The following CRYBG3 variants were observed in gnomAD, a reference collection of about 807,000 sequenced individuals.
CRYBG3 encodes the protein crystallin beta-gamma domain containing 3, also known as very large A-kinase anchor protein.
CRYBG3 carries 127 observed loss-of-function variants against 244.2 expected under a neutral mutation model. That is an observed-to-expected ratio of 0.52 (90% CI 0.45 to 0.60). The LOEUF (loss-of-function observed/expected upper bound fraction) is 0.60. CRYBG3 is among the 20% of genes least tolerant of loss of function. CRYBG3 has a pLI of 0.00. For missense variants in CRYBG3, 3,325 were observed against 3,442.5 expected (o/e 0.97, Z 0.85); for synonymous variants, 1,132 against 1,195.8 (o/e 0.95, Z 1.10).
intron 1 of CRYBG3, among the ~76,000 whole-genome samples, chr3:97,838,173 T>C (rs1272779372): frequency 2.6e-5 from 4 of 152,170 alleles, no homozygotes; most frequent in Admixed American, 6.5e-5. Context: ...CTTTCAGTGC[T>C]GTATGTGCTC....
rs369810160 is a variant in CRYBG3 at position 97,822,254 on chromosome 3, C to T, written c.48C>T (p.Ser16=). The change falls in exon 1 of 22, where the codon TCC becomes TCT. Residue 16 remains serine, a synonymous_variant. Coordinates refer to ENST00000389622, the MANE Select transcript of CRYBG3 (RefSeq NM_153605.4). ...GCAGCGCCCCCTGGCACAGCTTCTC[C>T]CGGTTCTTCGCTCCCCGAAGTCCTT... ...RRGSAPWHSF[S]RFFAPRSPSR... The T allele has an allele frequency of 9.8e-5, 150 of 1,531,102 alleles. No individual in the cohort carries two copies. The African/African-American group carries it at 1.6e-3, about 17-fold the overall frequency. 94.8% of individuals were successfully genotyped at this position (1,531,102 alleles called of 1,614,324 possible).
chr3:97,888,339 A>T lies in CRYBG3; in HGVS notation c.7290-2A>T. ...TTTAACTAACTATCTATTTTTATATAGTTGGCTTGCCTACCCAGATATTAA... is the reference window on the plus strand; with the variant it reads ...TTTAACTAACTATCTATTTTTATATTGTTGGCTTGCCTACCCAGATATTAA... On this transcript the variant is annotated splice_acceptor_variant, in intron 8 of 21. Coordinates refer to ENST00000389622, the MANE Select transcript of CRYBG3 (RefSeq NM_153605.4). LOFTEE classifies it high-confidence loss of function. 6.4e-7 allele frequency: 1 copy of T among 1,555,116 alleles called. No individual in the cohort carries two copies. The highest frequency in any genetic ancestry group is 8.9e-7 in the Non-Finnish European group (1 of 1,129,352).
At chr3:97,907,532 G>C (rs1334315613) in intron 15 of CRYBG3, among the ~76,000 whole-genome samples, 1 of 149,098 alleles carries the variant, frequency 6.7e-6, no homozygotes, top group Non-Finnish European at 1.5e-5. Flanking sequence ...GTTTATTTGC[G>C]TAGAGGTGTT....
intron 17 of CRYBG3, among the ~76,000 whole-genome samples, chr3:97,930,827 G>A (rs1575973300): frequency 6.6e-6 from 1 of 152,060 alleles, no homozygotes; most frequent in Non-Finnish European, 1.5e-5. Flanking sequence ...AGCAGACAGT[G>A]TTGGCCACAT....
intron 1 of CRYBG3, among the ~76,000 whole-genome samples, chr3:97,829,700 G>A (rs2038628212): frequency 6.6e-6 from 1 of 152,180 alleles, no homozygotes. Flanking sequence ...AATTAATTTA[G>A]TGTCGCTGTG....
chr3:97,888,989 G>T (rs1386150694), intron 9 of CRYBG3, among the ~76,000 whole-genome samples: 1 of 152,158 alleles, frequency 6.6e-6, no homozygotes, highest in Non-Finnish European at 1.5e-5. Flanking sequence ...TGCTGAATGA[G>T]ATTTCTAAGT....
intron 4 of CRYBG3, among the ~76,000 whole-genome samples, chr3:97,878,488 TTTGG>T (rs1467783721): frequency 2.0e-5 from 3 of 152,228 alleles, no homozygotes; most frequent in Non-Finnish European, 2.9e-5. Flanking sequence ...TATCAGATTC[TTTGG>T]TTGAAATATA....
At chr3:97,933,495 A>G (rs1180287076) in intron 17 of CRYBG3, 199 bp from the exon 18 acceptor site, 1 of 659,840 alleles carries the variant, frequency 1.5e-6, no homozygotes, top group Non-Finnish European at 2.7e-6. Flanking sequence ...CTTGAATTTT[A>G]GTTTACAAAA....
At chr3:97,910,075 G>A (rs558920084) in intron 15 of CRYBG3, among the ~76,000 whole-genome samples, 1 of 151,840 alleles carries the variant, frequency 6.6e-6, no homozygotes, top group East Asian at 1.9e-4. Context: ...TCAGGGGTCA[G>A]GGACCCACTT....
intron 8 of CRYBG3, among the ~76,000 whole-genome samples, chr3:97,887,582 T>G (rs1479456548): frequency 2.6e-5 from 4 of 152,046 alleles, no homozygotes; most frequent in Admixed American, 2.6e-4. Flanking sequence ...AGAAACCCCA[T>G]CTCTACTAAA....
At chr3:97,841,293 C>CG in intron 1 of CRYBG3, among the ~76,000 whole-genome samples, 1 of 144,882 alleles carries the variant, frequency 6.9e-6, no homozygotes, top group African/African-American at 2.7e-5. Context: ...GGTGCGTACA[C>CG]CTATATGTAT....
At chr3:97,882,859 G>A (rs995578826) in intron 7 of CRYBG3, among the ~76,000 whole-genome samples, 2 of 152,204 alleles carry the variant, frequency 1.3e-5, no homozygotes, top group Non-Finnish European at 2.9e-5. Context: ...TGTCTGCAAA[G>A]CTGTAGGCAA....
intron 14 of CRYBG3, among the ~76,000 whole-genome samples, chr3:97,899,566 T>C (rs2039680526): frequency 6.6e-6 from 1 of 152,216 alleles, no homozygotes; most frequent in Admixed American, 6.5e-5. Flanking sequence ...CTGATGGTTC[T>C]GTCTCCCAGG....
In CRYBG3 at chr3:97,909,073, G is replaced by GC. The variant is rs1183976208; in HGVS notation, c.8005-3089dup. Among the ~76,000 whole-genome samples the GC allele has an allele frequency of 1.1e-4, 17 of 152,236 alleles. No homozygotes were observed. The East Asian group carries it at 3.3e-3, about 29-fold the overall frequency. The stretch of plus-strand genomic sequence containing the variant: ...TTTTCTTTAAGAATGTTGAATATTG[G>GC]CCCCCACTCCCCTCTGGCTTGTAGG... On this transcript the variant is annotated intron_variant, in intron 15 of 21. Transcript: ENST00000389622.
In CRYBG3 at chr3:97,881,143, A is replaced by G; in HGVS notation, c.7076A>G (p.Asn2359Ser). ...CVLEEGEKVL[N>S]RDWILQNRRH... ...CTAGAAGAAGGGGAAAAGGTGTTAA[A>G]TCGTGACTGGATTCTTCAGAACAGA... Residue 2359 changes from asparagine to serine, a missense_variant, in exon 7 of 22, where the codon AAT becomes AGT. Physicochemically the swap from Asn to Ser is conservative, Grantham distance 46. Transcript: ENST00000389622. 1.2e-6 allele frequency: 2 copies of G among 1,612,712 alleles called. No homozygotes were observed. Among genetic ancestry groups the G allele is most frequent in the Non-Finnish European group, 1.7e-6 (2 of 1,179,126 alleles).
intron 18 of CRYBG3, among the ~76,000 whole-genome samples, chr3:97,935,386 AGATTT>A (rs1230924007): frequency 1.3e-5 from 2 of 151,978 alleles, no homozygotes; most frequent in African/African-American, 4.8e-5. Flanking sequence ...CTGATTGATT[AGATTT>A]GTGTAGGAAG....
In CRYBG3 at chr3:97,886,690, C is replaced by T; in HGVS notation, c.7212C>T (p.Val2404=). The change falls in exon 8 of 22, where the codon GTC becomes GTT. Residue 2404 remains valine, a synonymous_variant. Transcript: ENST00000389622. ...FPQSDPACCP[V]YIQRAVPNLE... Reference sequence around the variant, plus strand: ...AATCTGACCCAGCCTGTTGTCCTGTCTACATACAGAGAGCAGTCCCCAATT... The same window carrying T: ...AATCTGACCCAGCCTGTTGTCCTGTTTACATACAGAGAGCAGTCCCCAATT... The T allele has an allele frequency of 6.2e-7, 1 of 1,612,386 alleles. No homozygotes were observed. Among genetic ancestry groups the T allele is most frequent in the Non-Finnish European group, 8.5e-7 (1 of 1,179,190 alleles).
At chr3:97,912,389 G>T in intron 16 of CRYBG3, 113 bp downstream of exon 16, 1 of 484,544 alleles carries the variant, frequency 2.1e-6, no homozygotes. Flanking sequence ...TCTTCAACAG[G>T]CATTTTACCT....
chr3:97,856,707 T>C (rs920742600), intron 2 of CRYBG3, among the ~76,000 whole-genome samples: 14 of 152,158 alleles, frequency 9.2e-5, no homozygotes, highest in African/African-American at 3.4e-4. Context: ...TGGTGTATCA[T>C]TATTCACAAA....
Sources: allele counts gnomAD v4.1 joint callset (sites outside exome capture counted in the v4.1 genomes callset), GRCh38; gene constraint gnomAD v4.1.1; transcripts MANE v1.5; gene names NCBI Gene and HGNC (gene_info 2026-07-23, HGNC 2026-07-21).